EOGT: variants seen among roughly 807,000 people sequenced by gnomAD.
EOGT encodes EGF domain-specific O-linked N-acetylglucosamine transferase.
A neutral mutation model predicts 70.5 loss-of-function variants in EOGT; 55 were observed. That is an observed-to-expected ratio of 0.78 (90% CI 0.63 to 0.98). The LOEUF (loss-of-function observed/expected upper bound fraction) is 0.98, where lower values mean the gene tolerates loss of function less well. EOGT is among the 50% of genes least tolerant of loss of function. EOGT has a pLI of 0.00. For missense variants in EOGT, 703 were observed against 641.9 expected (o/e 1.10, Z -1.03); for synonymous variants, 246 against 217.1 (o/e 1.13, Z -1.17).
intron 9 of EOGT, 142 bp from the exon 10 acceptor site, chr3:68,998,256 A>T: frequency 1.7e-6 from 1 of 596,502 alleles, no homozygotes; most frequent in Non-Finnish European, 2.9e-6. Flanking sequence ...TGTTTTTCCA[A>T]ACATGAAATG....
chr3:68,978,827 G>T (rs996742370), intron 16 of EOGT, among the ~76,000 whole-genome samples: 1 of 152,036 alleles, frequency 6.6e-6, no homozygotes, highest in Non-Finnish European at 1.5e-5. Flanking sequence ...AGACTATAAG[G>T]CTTGAGTTTT....
At chr3:68,988,617 C>T (rs2090888839) in intron 11 of EOGT, 40 bp from the exon 12 acceptor site, 4 of 1,238,616 alleles carry the variant, frequency 3.2e-6, no homozygotes, top group Non-Finnish European at 3.3e-6. Flanking sequence ...GTAATTTGCA[C>T]CCTTCACACC....
intron 10 of EOGT, among the ~76,000 whole-genome samples, chr3:68,993,960 C>T (rs1267314571): frequency 1.3e-5 from 2 of 151,222 alleles, no homozygotes; most frequent in African/African-American, 4.8e-5. Flanking sequence ...GTCCCTCCCA[C>T]AACATGTGGG....
At chr3:68,978,288 A>C (rs775981841) in intron 17 of EOGT, 45 bp downstream of exon 17, 5 of 1,395,438 alleles carry the variant, frequency 3.6e-6, no homozygotes, top group Non-Finnish European at 5.1e-6. Flanking sequence ...GATACTTTAA[A>C]CCAATTAAAA....
chr3:68,981,506 C>T (rs1474880080), intron 15 of EOGT, among the ~76,000 whole-genome samples: 2 of 152,186 alleles, frequency 1.3e-5, no homozygotes, highest in Non-Finnish European at 2.9e-5. Flanking sequence ...TGTAGGTGGA[C>T]ATGGAGACAG....
chr3:68,990,297 G>C (rs1159277151), intron 10 of EOGT, among the ~76,000 whole-genome samples: 2 of 150,726 alleles, frequency 1.3e-5, no homozygotes. Flanking sequence ...ACTTCCATCT[G>C]ACAGCTGCCT....
intron 9 of EOGT, among the ~76,000 whole-genome samples, chr3:68,999,529 T>C (rs1277086034): frequency 2.0e-5 from 3 of 152,196 alleles, no homozygotes; most frequent in African/African-American, 7.2e-5. Context: ...CTGACTTCAT[T>C]CCCACAGTGA....
chr3:69,005,423 T>C (rs2091415941), intron 6 of EOGT, among the ~76,000 whole-genome samples, 189 bp from the exon 7 acceptor site: 1 of 152,196 alleles, frequency 6.6e-6, no homozygotes, highest in African/African-American at 2.4e-5. Context: ...TGGCCAAGCA[T>C]ACTTTTGCCA....
Position 68,988,235 on chromosome 3 carries a change from T to C in EOGT, c.1083+60A>G, listed in dbSNP as rs530975132. 4,257 of 1,150,808 alleles carry C rather than the reference T, an allele frequency of 3.7e-3. 14 individuals carry two copies. Among genetic ancestry groups the C allele is most frequent in the Non-Finnish European group, 4.6e-3 (3,720 of 808,732 alleles). The allele number at this position is 1,150,808 out of a possible 1,614,324, so 71.3% of individuals were successfully genotyped here. A position where few individuals can be genotyped will look rare whatever the true frequency, so the allele number is the denominator to read the frequency against. On this transcript the variant is annotated intron_variant, in intron 13 of 17. Transcript: ENST00000383701. ...TATTTCTGTTTCTGAAAAGGTGGTA[T>C]CGATTTTTATTAGGGAAGAAAACTC...
intron 9 of EOGT, 23 bp from the exon 10 acceptor site, chr3:68,998,137 CATTA>C (rs1351914511): frequency 6.5e-6 from 8 of 1,229,222 alleles, no homozygotes; most frequent in African/African-American, 1.5e-5. Flanking sequence ...AATGAAACTA[CATTA>C]ATTAACACCA....
chr3:68,998,855 G>GAA (rs368795802), intron 9 of EOGT, among the ~76,000 whole-genome samples: 213 of 138,862 alleles, frequency 1.5e-3, no homozygotes, highest in African/African-American at 4.5e-3. Context: ...AAAAAAACCA[G>GAA]AAAAAAAAAA....
intron 10 of EOGT, among the ~76,000 whole-genome samples, chr3:68,996,498 C>T (rs1051964707): frequency 3.3e-5 from 5 of 152,216 alleles, no homozygotes; most frequent in East Asian, 1.9e-4. Context: ...AGCCATGTTT[C>T]GGATTCCCTG....
At position 68,975,414 on chromosome 3, in the gene EOGT, T is replaced by C. The variant is rs2090449219; in HGVS notation, c.*2204A>G. ...TATTTTCCTGTTTATATAAAATGTA[T>C]TCTCTCTTCAAATATAGCCGTTTTA... On this transcript the variant is annotated 3_prime_UTR_variant, in exon 18 of 18. Transcript: ENST00000383701. 1 of 152,654 alleles carries C rather than the reference T, an allele frequency of 6.6e-6. No homozygotes were observed. Among genetic ancestry groups the C allele is most frequent in the Non-Finnish European group, 1.5e-5 (1 of 68,042 alleles). The allele number at this position is 152,654 out of a possible 1,614,324, so 9.5% of individuals were successfully genotyped here.
chr3:68,983,663 T>A (rs1485894273), intron 14 of EOGT, among the ~76,000 whole-genome samples: 3 of 152,170 alleles, frequency 2.0e-5, no homozygotes, highest in Non-Finnish European at 4.4e-5. Context: ...CACTTAATCC[T>A]CGTAAGAATC....
At position 68,987,463 on chromosome 3, in the gene EOGT, T is replaced by C. The variant is rs1201728422; in HGVS notation, c.1134A>G (p.Lys378=). 6.2e-7 allele frequency: 1 copy of C among 1,613,700 alleles called. No homozygotes were observed. Among genetic ancestry groups the C allele is most frequent in the Non-Finnish European group, 8.5e-7 (1 of 1,179,804 alleles). ...TILARSTEYR[K]ILNQNELVNA... is the part of the protein sequence containing the mutation. ...AACTAACCTCATTTTGGTTAAGGAT[T>C]TTCCGGTATTCTGTGCTCCGTGCAA... Residue 378 remains lysine (K), a synonymous_variant, in exon 14 of 18, where the codon AAA becomes AAG. Coordinates refer to ENST00000383701, the MANE Select transcript of EOGT (RefSeq NM_001278689.2).
chr3:68,996,315 A>T (rs563136061), intron 10 of EOGT, among the ~76,000 whole-genome samples: 1 of 152,202 alleles, frequency 6.6e-6, no homozygotes, highest in Non-Finnish European at 1.5e-5. Context: ...GCCTCTTATC[A>T]GTGAAATTAA....
In EOGT at chr3:68,978,404, C is replaced by G. The variant is rs1351577892; in HGVS notation, c.1366G>C (p.Asp456His). ...TGAACGCCTCTCAGCCTGGCCAAGT[C>G]TAAGTAACAGCGTTCATCTTCACAG... ...YNCEDERCYL[D>H]LARLRGVHYI... Residue 456 changes from aspartate to histidine, a missense_variant, in exon 17 of 18, where the codon GAC becomes CAC. By Grantham distance (81) the Asp-to-His change is moderately conservative. Transcript: ENST00000383701. 1.2e-6 allele frequency: 2 copies of G among 1,612,176 alleles called. No homozygotes were observed. Among genetic ancestry groups the G allele is most frequent in the Non-Finnish European group, 1.7e-6 (2 of 1,179,346 alleles).
At chr3:69,007,607 G>A (rs775734791) in intron 6 of EOGT, 106 bp downstream of exon 6, 16 of 538,622 alleles carry the variant, frequency 3.0e-5, no homozygotes, top group East Asian at 8.5e-5. Context: ...AGCTGGGATC[G>A]CGCCACTGCA....
chr3:68,988,013 C>G (rs1424830330), intron 13 of EOGT, among the ~76,000 whole-genome samples: 1 of 152,212 alleles, frequency 6.6e-6, no homozygotes, highest in East Asian at 1.9e-4. Flanking sequence ...CTCCTGGGTT[C>G]AAGCGATTCT....
Sources: gnomAD v4.1 joint callset for allele counts (sites outside exome capture counted in the v4.1 genomes callset) on GRCh38, gnomAD v4.1.1 for gene constraint, MANE v1.5 for transcripts, NCBI Gene and HGNC (gene_info 2026-07-23, HGNC 2026-07-21) for gene names.